The following ERI2 variants were observed in gnomAD, a reference collection of about 807,000 sequenced individuals.
The protein encoded by ERI2 is ERI1 exoribonuclease family member 2, also known as ERI1 exoribonuclease 2.
Under a neutral mutation model 46.8 loss-of-function variants are expected in ERI2, and 35 were observed. The ratio of observed to expected loss-of-function variants is 0.75; its 90% CI spans 0.57 to 0.99. The LOEUF (loss-of-function observed/expected upper bound fraction) is 0.99, where lower values mean the gene tolerates loss of function less well. Ranked by LOEUF, ERI2 falls within the 50% of genes least tolerant of loss-of-function variation. The pLI is 0.00. For synonymous variants in ERI2, 224 were observed against 271.0 expected (o/e 0.83, Z 1.70); for missense variants, 695 against 796.2 (o/e 0.87, Z 1.53).
downstream of ERI2, among the ~76,000 whole-genome samples, chr16:20,793,527 C>G (rs1158484258): frequency 6.6e-6 from 1 of 152,168 alleles, no homozygotes; most frequent in Non-Finnish European, 1.5e-5. Flanking sequence ...GTGCATGTTA[C>G]AGTGGAGGGT....
At chr16:20,785,447 G>A (rs2080450985) in intron 10 of ERI2, among the ~76,000 whole-genome samples, 1 of 152,154 alleles carries the variant, frequency 6.6e-6, no homozygotes, top group Non-Finnish European at 1.5e-5. Flanking sequence ...AATGGAAAAT[G>A]CTGAGATCCT....
In ERI2 at chr16:20,797,042, G is replaced by A. The variant is rs553459143; in HGVS notation, c.*682C>T. 7.7e-6 allele frequency: 12 copies of A among 1,555,724 alleles called. No individual in the cohort carries two copies. The highest frequency in any genetic ancestry group is 1.0e-5 in the Non-Finnish European group (12 of 1,156,858). On this transcript the variant is annotated 3_prime_UTR_variant, in exon 9 of 9. Coordinates refer to ENST00000357967, the MANE Select transcript of ERI2 (RefSeq NM_001142725.2). The stretch of plus-strand genomic sequence containing the variant: ...TGTCAATCTCTAGAAACCACAAGAT[G>A]ATGGAGAGGTCATAAAAACTGTGGT...
At chr16:20,791,068 GATTAAGCAA>G (rs1002531968) in intron 8 of ERI2, 1 of 796,424 alleles carries the variant, frequency 1.3e-6, no homozygotes, top group Admixed American at 2.9e-5. Context: ...GGGGTGGTGG[GATTAAGCAA>G]ATGTCTTTCA....
chr16:20,790,446 G>A lies in ERI2; in HGVS notation c.815+404C>T. 1.4e-6 allele frequency: 1 copy of A among 730,638 alleles called. No homozygotes were observed. The highest frequency in any genetic ancestry group is 2.3e-6 in the Non-Finnish European group (1 of 436,982). The allele number at this position is 730,638 out of a possible 1,614,324, so 45.3% of individuals were successfully genotyped here. ...CACTCCAGCCTGGGTGACAAAGTGAGACCTTGTCTCACACACACAAAATTT... is the reference window on the plus strand; with the variant it reads ...CACTCCAGCCTGGGTGACAAAGTGAAACCTTGTCTCACACACACAAAATTT... On this transcript the variant is annotated intron_variant, in intron 9 of 10. Transcript: ENST00000300005. The surrounding 1 kb of genome is among the most constrained non-coding windows in gnomAD (Gnocchi z 4.0).
chr16:20,799,789 G>C (rs557514884), intron 7 of ERI2, 168 bp downstream of exon 7: 1 of 522,264 alleles, frequency 1.9e-6, no homozygotes, highest in East Asian at 3.1e-5. Context: ...AATAGTTTAT[G>C]AAAGTGGTAA....
In ERI2 at chr16:20,806,396, T is replaced by C. The variant is rs1039386838; in HGVS notation, c.23+12A>G. 2 of 1,549,420 alleles carry C rather than the reference T, an allele frequency of 1.3e-6. No individual in the cohort carries two copies. Among genetic ancestry groups the C allele is most frequent in the African/African-American group, 2.7e-5 (2 of 73,018 alleles). ...GAGCTACCCGCCCCCGACCCGGAAC[T>C]CCCTCGAGTACCGCGCGAGCCGCTT... On this transcript the variant is annotated intron_variant, in intron 1 of 8. Coordinates refer to ENST00000357967, the MANE Select transcript of ERI2 (RefSeq NM_001142725.2).
downstream of ERI2, among the ~76,000 whole-genome samples, chr16:20,793,497 TTAAGG>T (rs11279671): frequency 0.13 from 19,933 of 151,078 alleles, 1,349 homozygotes; most frequent in East Asian, 0.21. Context: ...ATAAAAAAGT[TTAAGG>T]TAAAAATAGG....
chr16:20,786,135 C>T (rs2080469821), intron 10 of ERI2: 2 of 1,608,906 alleles, frequency 1.2e-6, no homozygotes, highest in African/African-American at 1.3e-5. Flanking sequence ...AATGGGAAAA[C>T]CTTCTCCTGC....
chr16:20,794,197 A>G (rs2080669043), downstream of ERI2, among the ~76,000 whole-genome samples: 2 of 152,202 alleles, frequency 1.3e-5, no homozygotes, highest in African/African-American at 4.8e-5. Context: ...CCTGCCAGGC[A>G]GGGTAATTGG....
intron 4 of ERI2, among the ~76,000 whole-genome samples, chr16:20,801,756 T>G (rs2080798146): frequency 6.6e-6 from 1 of 152,144 alleles, no homozygotes; most frequent in African/African-American, 2.4e-5. Context: ...TTTATTTAAT[T>G]TTTAAAATTT....
chr16:20,789,407 C>A, intron 10 of ERI2: 1 of 1,100,794 alleles, frequency 9.1e-7, no homozygotes. Flanking sequence ...TAAATGCTAG[C>A]TACTGGTAGA....
downstream of ERI2, among the ~76,000 whole-genome samples, chr16:20,794,674 C>T (rs1391496130): frequency 2.0e-5 from 3 of 152,162 alleles, no homozygotes; most frequent in Admixed American, 6.5e-5. Context: ...AAGACTACAA[C>T]TAAGAGCTAA....
Position 20,796,990 on chromosome 16 carries a change from C to A in ERI2, c.*734G>T. On this transcript the variant is annotated 3_prime_UTR_variant, in exon 9 of 9. Transcript: ENST00000357967. ...CAATTTAAAGTTGTTTCATTAATTA[C>A]CATATCTATAAAACAAACATAGTAT... 5.0e-6 allele frequency: 8 copies of A among 1,608,520 alleles called. No individual in the cohort carries two copies. The highest frequency in any genetic ancestry group is 6.8e-6 in the Non-Finnish European group (8 of 1,178,050).
chr16:20,791,900 C>T, downstream of ERI2: 1 of 1,407,600 alleles, frequency 7.1e-7, no homozygotes. Context: ...TGCACTCCAG[C>T]CTGGGTAACA....
intron 10 of ERI2, among the ~76,000 whole-genome samples, chr16:20,788,168 G>A (rs1475572786): frequency 2.0e-5 from 3 of 151,968 alleles, no homozygotes; most frequent in Non-Finnish European, 4.4e-5. Context: ...TGGTAGGAGA[G>A]CCCAAACAGG....
chr16:20,797,387 A>G lies in ERI2; in HGVS notation c.*337T>C. Reference sequence around the variant, plus strand: ...ATAAAAGTTTTTAGAAAAATATAAAATATCAGTTAGAAGATTATGATAATC... The same window carrying G: ...ATAAAAGTTTTTAGAAAAATATAAAGTATCAGTTAGAAGATTATGATAATC... On this transcript the variant is annotated 3_prime_UTR_variant, in exon 9 of 9. Coordinates refer to ENST00000357967, the MANE Select transcript of ERI2 (RefSeq NM_001142725.2). The G allele has an allele frequency of 8.1e-6, 8 of 986,166 alleles. No individual in the cohort carries two copies. Among genetic ancestry groups the G allele is most frequent in the Non-Finnish European group, 9.7e-6 (8 of 824,838 alleles). 61.1% of individuals were successfully genotyped at this position (986,166 alleles called of 1,614,324 possible).
intron 1 of ERI2, among the ~76,000 whole-genome samples, 185 bp from the exon 2 acceptor site, chr16:20,803,855 T>G (rs919199490): frequency 5.3e-5 from 8 of 152,132 alleles, no homozygotes; most frequent in African/African-American, 1.9e-4. Flanking sequence ...TAGGCTAATT[T>G]GTTGGTTTTG....
chr16:20,781,045 G>A, intron 10 of ERI2: 1 of 1,614,206 alleles, frequency 6.2e-7, no homozygotes, highest in Non-Finnish European at 8.5e-7. Context: ...AAGTCTGCAT[G>A]GAGTAGTGTT....
Position 20,797,587 on chromosome 16 carries a change from C to T in ERI2, c.*137G>A. ...TAAATACTGTTTACAAAAGATTACACTTGTGGTTCCTGAAGAAAGTATGGT... is the reference window on the plus strand; with the variant it reads ...TAAATACTGTTTACAAAAGATTACATTTGTGGTTCCTGAAGAAAGTATGGT... On this transcript the variant is annotated 3_prime_UTR_variant, in exon 9 of 9. Coordinates refer to ENST00000357967, the MANE Select transcript of ERI2 (RefSeq NM_001142725.2). The T allele has an allele frequency of 7.6e-7, 1 of 1,307,998 alleles. No homozygotes were observed. Among genetic ancestry groups the T allele is most frequent in the Non-Finnish European group, 9.7e-7 (1 of 1,030,430 alleles). 81.0% of individuals were successfully genotyped at this position (1,307,998 alleles called of 1,614,324 possible).
Sources: gnomAD v4.1 joint callset for allele counts (sites outside exome capture counted in the v4.1 genomes callset) on GRCh38, gnomAD v4.1.1 for gene constraint, Gnocchi (gnomAD v3.1) non-coding constraint, MANE v1.5 for transcripts, NCBI Gene and HGNC (gene_info 2026-07-23, HGNC 2026-07-21) for gene names.